The following PDZRN3 variants were observed in gnomAD, a reference collection of about 807,000 sequenced individuals.
PDZRN3 encodes the protein PDZ domain containing ring finger 3, also known as E3 ubiquitin-protein ligase PDZRN3.
Under a neutral mutation model 85.7 loss-of-function variants are expected in PDZRN3, and 38 were observed. The ratio of observed to expected loss-of-function variants is 0.44; its 90% CI spans 0.34 to 0.58. The LOEUF (loss-of-function observed/expected upper bound fraction) is 0.58, where lower values mean the gene tolerates loss of function less well. PDZRN3 is among the 20% of genes least tolerant of loss of function. The pLI is 0.01. For synonymous variants in PDZRN3, 759 were observed against 638.0 expected (o/e 1.19, Z -2.86); for missense variants, 1,629 against 1,506.4 (o/e 1.08, Z -1.35).
chr3:73,576,971 G>A (rs1186912994), intron 3 of PDZRN3, among the ~76,000 whole-genome samples: 1 of 152,104 alleles, frequency 6.6e-6, no homozygotes, highest in Non-Finnish European at 1.5e-5. Flanking sequence ...CTGATTACAG[G>A]GTTGTCAAAA....
intron 3 of PDZRN3, among the ~76,000 whole-genome samples, chr3:73,479,686 G>A (rs1368709697): frequency 4.6e-5 from 7 of 152,162 alleles, no homozygotes; most frequent in Non-Finnish European, 1.0e-4. Flanking sequence ...TAACCAGATG[G>A]ATGGAGCAAC....
chr3:73,482,081 A>G (rs1169991248), intron 3 of PDZRN3, among the ~76,000 whole-genome samples: 1 of 152,172 alleles, frequency 6.6e-6, no homozygotes, highest in Non-Finnish European at 1.5e-5. Flanking sequence ...CACTGAGAGC[A>G]CTCTGGAGCC....
chr3:73,444,722 C>T (rs1259107981), intron 3 of PDZRN3, among the ~76,000 whole-genome samples: 1 of 152,184 alleles, frequency 6.6e-6, no homozygotes, highest in African/African-American at 2.4e-5. Flanking sequence ...CTCCTGATAA[C>T]CCCCATGGGG....
At chr3:73,415,652 T>G (rs1460635329) in intron 3 of PDZRN3, among the ~76,000 whole-genome samples, 1 of 152,168 alleles carries the variant, frequency 6.6e-6, no homozygotes, top group African/African-American at 2.4e-5. Flanking sequence ...TATTCAAAAT[T>G]TTATTATTGC....
intron 5 of PDZRN3, among the ~76,000 whole-genome samples, chr3:73,392,105 G>C (rs993866004): frequency 6.6e-6 from 1 of 152,224 alleles, no homozygotes; most frequent in African/African-American, 2.4e-5. Context: ...GCAGTTATTT[G>C]GAAGATACTT....
chr3:73,438,425 C>A (rs1702571529), intron 3 of PDZRN3, among the ~76,000 whole-genome samples: 2 of 152,206 alleles, frequency 1.3e-5, no homozygotes, highest in African/African-American at 2.4e-5. Flanking sequence ...TAAAATACAA[C>A]CTTGTTTTCT....
At position 73,397,158 on chromosome 3, in the gene PDZRN3, C is replaced by T. The variant is rs182513645; in HGVS notation, c.1254+3764G>A. On this transcript the variant is annotated intron_variant, in intron 5 of 9. Transcript: ENST00000263666. The stretch of plus-strand genomic sequence containing the variant: ...AAGCAATTCTCCTGCCTCAGCCTCC[C>T]GAGTAGCTGGGATTACAGGTGTGAG... 3.6e-3 allele frequency among the ~76,000 whole-genome samples: 546 copies of T among 152,104 alleles called. 1 individual carries two copies. Among genetic ancestry groups the T allele is most frequent in the African/African-American group, 0.013 (522 of 41,518 alleles).
chr3:73,435,881 A>G (rs1422588315), intron 3 of PDZRN3, among the ~76,000 whole-genome samples: 2 of 152,098 alleles, frequency 1.3e-5, no homozygotes, highest in African/African-American at 4.8e-5. Context: ...TTGAAACCCA[A>G]ATTCTTCACC....
At chr3:73,607,029 C>A (rs1056746932) in intron 2 of PDZRN3, among the ~76,000 whole-genome samples, 3 of 152,188 alleles carry the variant, frequency 2.0e-5, no homozygotes, top group Non-Finnish European at 4.4e-5. Context: ...CATCCCTCAA[C>A]TCTTTCCACA....
intron 3 of PDZRN3, among the ~76,000 whole-genome samples, chr3:73,574,282 A>G (rs369279366): frequency 1.3e-5 from 2 of 152,198 alleles, no homozygotes; most frequent in Non-Finnish European, 2.9e-5. Context: ...TCTTCTCACC[A>G]TCAAGAGAAC....
At chr3:73,518,996 G>C (rs1398945185) in intron 3 of PDZRN3, among the ~76,000 whole-genome samples, 3 of 152,212 alleles carry the variant, frequency 2.0e-5, no homozygotes, top group African/African-American at 7.2e-5. Context: ...TTGCAAAGTG[G>C]GTGCAGAGGG....
chr3:73,463,915 T>C (rs1005650721), intron 3 of PDZRN3, among the ~76,000 whole-genome samples: 1 of 152,204 alleles, frequency 6.6e-6, no homozygotes, highest in Non-Finnish European at 1.5e-5. Context: ...GTAACAAACC[T>C]GCACATCCTG....
intron 3 of PDZRN3, among the ~76,000 whole-genome samples, chr3:73,408,800 C>A (rs2106740788): frequency 6.6e-6 from 1 of 152,222 alleles, no homozygotes; most frequent in African/African-American, 2.4e-5. Context: ...GGAATCACAT[C>A]ACTGAGACTC....
chr3:73,408,829 C>T (rs145427277), intron 3 of PDZRN3, among the ~76,000 whole-genome samples: 41 of 152,148 alleles, frequency 2.7e-4, no homozygotes, highest in African/African-American at 8.4e-4. Context: ...ATGATGACTC[C>T]GGTGCACGCC....
chr3:73,499,046 C>T (rs1703924291), intron 3 of PDZRN3, among the ~76,000 whole-genome samples: 1 of 152,166 alleles, frequency 6.6e-6, no homozygotes, highest in Non-Finnish European at 1.5e-5. Flanking sequence ...GAGGTTTAAC[C>T]AGGAGATTCC....
intron 3 of PDZRN3, among the ~76,000 whole-genome samples, chr3:73,501,576 A>T (rs1215866456): frequency 6.6e-6 from 1 of 152,232 alleles, no homozygotes; most frequent in Non-Finnish European, 1.5e-5. Context: ...CCTACTATGT[A>T]AAAAGCATAA....
At chr3:73,452,760 C>A (rs1185495018) in intron 3 of PDZRN3, among the ~76,000 whole-genome samples, 1 of 151,908 alleles carries the variant, frequency 6.6e-6, no homozygotes, top group African/African-American at 2.4e-5. Context: ...TAACACTTCG[C>A]TCAGTGGTTA....
chr3:73,502,238 A>T (rs1377570709), intron 3 of PDZRN3, among the ~76,000 whole-genome samples: 2 of 152,230 alleles, frequency 1.3e-5, no homozygotes, highest in African/African-American at 4.8e-5. Flanking sequence ...GTAAAGGGTC[A>T]CAATGAAGAA....
chr3:73,588,097 C>G (rs759707930), intron 3 of PDZRN3, among the ~76,000 whole-genome samples: 9 of 152,284 alleles, frequency 5.9e-5, no homozygotes, highest in East Asian at 3.9e-4. Flanking sequence ...CCCTCCACCC[C>G]TCAACAGGCC....
Sources: allele counts gnomAD v4.1 joint callset (sites outside exome capture counted in the v4.1 genomes callset), GRCh38; gene constraint gnomAD v4.1.1; transcripts MANE v1.5; gene names NCBI Gene and HGNC (gene_info 2026-07-23, HGNC 2026-07-21).